The following VCAN variants were observed in gnomAD, a reference collection of about 807,000 sequenced individuals.
VCAN encodes versican.
A neutral mutation model predicts 245.5 loss-of-function variants in VCAN; 44 were observed. The ratio of observed to expected loss-of-function variants is 0.18; its 90% CI spans 0.14 to 0.23. The LOEUF (loss-of-function observed/expected upper bound fraction) is 0.23. VCAN is among the 10% of genes least tolerant of loss of function. VCAN has a pLI of 1.00. For synonymous variants in VCAN, 1,413 were observed against 1,437.0 expected (o/e 0.98, Z 0.38); for missense variants, 3,793 against 4,057.9 (o/e 0.93, Z 1.77).
chr5:83,542,425 A>G (rs1747041905), intron 8 of VCAN, among the ~76,000 whole-genome samples, 157 bp downstream of exon 8: 1 of 152,210 alleles, frequency 6.6e-6, no homozygotes, highest in Non-Finnish European at 1.5e-5. Flanking sequence ...TGAGTTCATA[A>G]TGAGATGAAA....
At chr5:83,522,400 G>A (rs1746143648) in intron 7 of VCAN, 91 bp downstream of exon 7, 3 of 1,355,646 alleles carry the variant, frequency 2.2e-6, no homozygotes, top group Admixed American at 3.5e-5. Flanking sequence ...CATACCAAAT[G>A]CTGCTATTAG....
intron 12 of VCAN, among the ~76,000 whole-genome samples, chr5:83,564,824 T>A (rs954176459): frequency 6.6e-6 from 1 of 152,172 alleles, no homozygotes; most frequent in African/African-American, 2.4e-5. Context: ...ATTAAAATAA[T>A]GTATTGTGAA....
intron 12 of VCAN, among the ~76,000 whole-genome samples, chr5:83,555,953 A>G (rs919835904): frequency 2.0e-5 from 3 of 152,142 alleles, no homozygotes; most frequent in Admixed American, 2.0e-4. Context: ...TTGTGTTTTT[A>G]TTACTTAGGT....
chr5:83,551,932 G>A (rs1397976452), intron 10 of VCAN, among the ~76,000 whole-genome samples: 2 of 152,312 alleles, frequency 1.3e-5, no homozygotes, highest in African/African-American at 2.4e-5. Context: ...CCATCTAGCT[G>A]TGTCTTGAGT....
intron 5 of VCAN, among the ~76,000 whole-genome samples, chr5:83,497,067 T>C (rs1452708688): frequency 6.6e-6 from 1 of 152,096 alleles, no homozygotes; most frequent in African/African-American, 2.4e-5. Context: ...AAAGATTTGG[T>C]ATATTCAGAA....
At chr5:83,566,413 A>T (rs562766572) in intron 12 of VCAN, among the ~76,000 whole-genome samples, 24 of 152,262 alleles carry the variant, frequency 1.6e-4, no homozygotes, top group Non-Finnish European at 3.1e-4. Context: ...GTCATTGATC[A>T]TGGCCACCTG....
chr5:83,532,754 T>C (rs1032121835), intron 7 of VCAN, among the ~76,000 whole-genome samples: 2 of 152,094 alleles, frequency 1.3e-5, no homozygotes, highest in Middle Eastern at 3.2e-3. Context: ...TGTCGCGAAC[T>C]TATTTAAAGA....
In VCAN at chr5:83,538,665, A is replaced by G. The variant is rs751153794; in HGVS notation, c.5662A>G (p.Ser1888Gly). The G allele has an allele frequency of 1.9e-6, 3 of 1,614,120 alleles. No individual in the cohort carries two copies. Among genetic ancestry groups the G allele is most frequent in the South Asian group, 2.2e-5 (2 of 91,082 alleles). The change falls in exon 8 of 15, where the codon AGT becomes GGT. Residue 1888 changes from serine (S) to glycine (G), a missense_variant. By Grantham distance (56) the Ser-to-Gly change is moderately conservative (BLOSUM62 0). Around this residue, in one of 5 missense-constraint regions of VCAN, gnomAD observed 3,182 missense variants for 3,250.3 expected, o/e 0.98. Transcript: ENST00000265077. The part of the protein sequence containing the change: ...FSTEPTGLVL[S>G]TVMDRVVAEN... ...CACTGAGCCAACAGGACTGGTTTTGAGTACAGTAATGGACAGAGTAGTTGC... is the reference window on the plus strand; with the variant it reads ...CACTGAGCCAACAGGACTGGTTTTGGGTACAGTAATGGACAGAGTAGTTGC...
In VCAN at chr5:83,538,244, G is replaced by A. The variant is rs755233619; in HGVS notation, c.5241G>A (p.Ser1747=). 19 of 1,613,772 alleles carry A rather than the reference G, an allele frequency of 1.2e-5. No individual in the cohort carries two copies. Among genetic ancestry groups the A allele is most frequent in the Admixed American group, 3.3e-5 (2 of 59,950 alleles). ...AGGTATATTCATCTACACAGAGATC[G>A]GATCAATTAATTTTACCCTTTGAAT... The part of the protein sequence containing the change: ...TFEVYSSTQR[S]DQLILPFELE... Residue 1747 remains serine (S), a synonymous_variant, in exon 8 of 15, where the codon TCG becomes TCA. Coordinates refer to ENST00000265077, the MANE Select transcript of VCAN (RefSeq NM_004385.5).
intron 5 of VCAN, among the ~76,000 whole-genome samples, chr5:83,502,456 A>ACACATTCAATCTTTTGTATATTG (rs1429170659): frequency 1.3e-5 from 2 of 152,216 alleles, no homozygotes; most frequent in Non-Finnish European, 2.9e-5. Flanking sequence ...AAACCAAATA[A>ACACATTCAATCTTTTGTATATTG]CACATTCAAT....
Position 83,490,284 on chromosome 5 carries a change from C to A in VCAN, c.257C>A (p.Ala86Asp), listed in dbSNP as rs1254014378. Residue 86 changes from alanine (A) to aspartate (D), a missense_variant, in exon 3 of 15, where the codon GCC becomes GAC. By Grantham distance (126) the Ala-to-Asp change is moderately radical. Coordinates refer to ENST00000265077, the MANE Select transcript of VCAN (RefSeq NM_004385.5). ...KDLKETTVLVAQNGNIKIGQD... is the reference protein window; with the variant it reads ...KDLKETTVLVDQNGNIKIGQD... ...TTGAAAGAGACTACTGTCCTTGTGG[C>A]CCAAAATGGAAATATCAAGATTGGT... 6.2e-7 allele frequency: 1 copy of A among 1,614,016 alleles called. No individual in the cohort carries two copies. The highest frequency in any genetic ancestry group is 1.3e-5 in the African/African-American group (1 of 74,906).
intron 13 of VCAN, among the ~76,000 whole-genome samples, chr5:83,578,737 G>GT (rs958653580): frequency 3.3e-5 from 5 of 152,102 alleles, no homozygotes; most frequent in African/African-American, 1.2e-4. Context: ...AATGTGGCAT[G>GT]TTTTTGTGGG....
rs186066542 is a variant in VCAN at position 83,515,566 on chromosome 5, A to C, written c.1042+3170A>C. 5.1e-3 allele frequency among the ~76,000 whole-genome samples: 769 copies of C among 150,904 alleles called. 10 individuals carry two copies. The highest frequency in any genetic ancestry group is 0.018 in the African/African-American group (735 of 40,200). On this transcript the variant is annotated intron_variant, in intron 6 of 14. Transcript: ENST00000265077. ...TATTTATCCCTCAGCATCTTCTCCAACTGAAACAGTTTTCTTGTTTTACAG... is the reference window on the plus strand; with the variant it reads ...TATTTATCCCTCAGCATCTTCTCCACCTGAAACAGTTTTCTTGTTTTACAG...
intron 5 of VCAN, among the ~76,000 whole-genome samples, chr5:83,497,645 G>T (rs1745200991): frequency 6.6e-6 from 1 of 152,058 alleles, no homozygotes; most frequent in South Asian, 2.1e-4. Context: ...TGGGAATCTA[G>T]AAATTAAGAT....
intron 13 of VCAN, among the ~76,000 whole-genome samples, chr5:83,573,182 G>GC (rs1269317519): frequency 6.6e-6 from 1 of 152,128 alleles, no homozygotes; most frequent in East Asian, 1.9e-4. Context: ...ACAGGCTTGA[G>GC]CCACCGCTCC....
intron 12 of VCAN, among the ~76,000 whole-genome samples, chr5:83,567,475 T>C (rs1411453830): frequency 1.3e-5 from 1 of 79,918 alleles, no homozygotes; most frequent in Non-Finnish European, 2.4e-5. Flanking sequence ...TAATTTTTTG[T>C]ATTTTTAGTA....
intron 2 of VCAN, among the ~76,000 whole-genome samples, chr5:83,488,783 T>C (rs1009932618): frequency 1.3e-5 from 2 of 152,248 alleles, no homozygotes; most frequent in Middle Eastern, 3.2e-3. Context: ...ATGGTTATTA[T>C]ACATTTGAAA....
chr5:83,538,206 G>A lies in VCAN; in HGVS notation c.5203G>A (p.Ala1735Thr), dbSNP rs1234490492. 6.2e-7 allele frequency: 1 copy of A among 1,613,338 alleles called. No homozygotes were observed. The highest frequency in any genetic ancestry group is 8.5e-7 in the Non-Finnish European group (1 of 1,179,868). The change falls in exon 8 of 15, where the codon GCT becomes ACT. Residue 1735 changes from alanine to threonine, a missense_variant. Physicochemically the swap from Ala to Thr is moderately conservative, Grantham distance 58. Around this residue, in one of 5 missense-constraint regions of VCAN, gnomAD observed 3,182 missense variants for 3,250.3 expected, o/e 0.98. Coordinates refer to ENST00000265077, the MANE Select transcript of VCAN (RefSeq NM_004385.5). ...RKEEEGTTGT[A>T]STFEVYSSTQ... ...GGAGGAGGAGGGAACTACAGGTACG[G>A]CTTCTACATTTGAGGTATATTCATC... is the stretch of plus-strand genomic sequence containing the variant.
At chr5:83,552,737 A>AATAAAT (rs1747517016) in intron 10 of VCAN, among the ~76,000 whole-genome samples, 1 of 152,162 alleles carries the variant, frequency 6.6e-6, no homozygotes, top group Non-Finnish European at 1.5e-5. Flanking sequence ...AATAAACTTA[A>AATAAAT]AATCTTGATG....
Sources: gnomAD v4.1 joint callset for allele counts (sites outside exome capture counted in the v4.1 genomes callset) on GRCh38, gnomAD v4.1.1 for gene constraint, gnomAD v4.1.1 regional missense constraint, MANE v1.5 for transcripts, NCBI Gene and HGNC (gene_info 2026-07-23, HGNC 2026-07-21) for gene names.